Variants in SBF2 observed in about 807,000 individuals in gnomAD.
SBF2 encodes the protein SET binding factor 2, also known as myotubularin-related protein 13.
A neutral mutation model predicts 225.2 loss-of-function variants in SBF2; 112 were observed. That is an observed-to-expected ratio of 0.50 (90% CI 0.43 to 0.58). The LOEUF is 0.58. SBF2 is among the 20% of genes least tolerant of loss of function. SBF2 has a pLI of 0.00. For synonymous variants in SBF2, 763 were observed against 773.3 expected, an observed-to-expected ratio of 0.99 and a Z score of 0.22; for missense variants, 1,996 against 2,206.2, an observed-to-expected ratio of 0.90 and a Z score of 1.91.
chr11:10,110,732 A>C (rs963381124), intron 2 of SBF2, among the ~76,000 whole-genome samples: 4 of 152,178 alleles, frequency 2.6e-5, no homozygotes, highest in African/African-American at 9.6e-5. Context: ...GTTGGCACAT[A>C]TATTTCCTTT....
At chr11:9,824,591 A>T (rs1202365912) in intron 28 of SBF2, among the ~76,000 whole-genome samples, 4 of 152,032 alleles carry the variant, frequency 2.6e-5, no homozygotes, top group African/African-American at 9.7e-5. Flanking sequence ...AAAAAGAAAA[A>T]GATTGTTGAA....
At chr11:10,126,148 T>C (rs1201553992) in intron 2 of SBF2, among the ~76,000 whole-genome samples, 1 of 152,184 alleles carries the variant, frequency 6.6e-6, no homozygotes, top group African/African-American at 2.4e-5. Context: ...TAAAATGTAA[T>C]TGTCTCATCT....
rs138671331 is a variant in SBF2, at chr11:9,817,934, G to C, written c.3794-910C>G. ...AATAAATGAATAAAATGTACAGTCAGAAGCCTATATCTTTATTTTATTTTT... is the reference window on the plus strand; with the variant it reads ...AATAAATGAATAAAATGTACAGTCACAAGCCTATATCTTTATTTTATTTTT... On this transcript the variant is annotated intron_variant, in intron 28 of 39. Coordinates refer to ENST00000256190, the MANE Select transcript of SBF2 (RefSeq NM_030962.4). 1.4e-4 allele frequency among the ~76,000 whole-genome samples: 21 copies of C among 152,016 alleles called. No individual in the cohort carries two copies. The East Asian group carries it at 3.9e-3, about 28-fold the overall frequency.
At chr11:9,801,716 A>G (rs1445507531) in intron 32 of SBF2, among the ~76,000 whole-genome samples, 4 of 152,264 alleles carry the variant, frequency 2.6e-5, no homozygotes. Flanking sequence ...TTGTTATAAA[A>G]CAGATTGGAT....
chr11:10,182,726 CTA>C (rs1349200284), intron 2 of SBF2, among the ~76,000 whole-genome samples: 1 of 150,692 alleles, frequency 6.6e-6, no homozygotes, highest in African/African-American at 2.5e-5. Flanking sequence ...GCTAATTTTT[CTA>C]TGTCTTTTTG....
At chr11:9,903,695 T>C (rs1225679337) in intron 16 of SBF2, among the ~76,000 whole-genome samples, 1 of 152,220 alleles carries the variant, frequency 6.6e-6, no homozygotes, top group Admixed American at 6.5e-5. Context: ...ACTTTATTTA[T>C]ACGCTGGCCC....
intron 16 of SBF2, among the ~76,000 whole-genome samples, chr11:9,909,373 A>G (rs1360268163): frequency 6.6e-6 from 1 of 151,614 alleles, no homozygotes; most frequent in Non-Finnish European, 1.5e-5. Flanking sequence ...GACTTACAAT[A>G]TAAGATACCC....
At chr11:9,909,467 C>G (rs536057382) in intron 16 of SBF2, among the ~76,000 whole-genome samples, 3 of 151,836 alleles carry the variant, frequency 2.0e-5, no homozygotes, top group African/African-American at 4.8e-5. Flanking sequence ...GTCAGGAGAT[C>G]GAGACCATCC....
chr11:10,304,161 C>CTG (rs1038496805), intron 1 of SBF2, among the ~76,000 whole-genome samples: 2 of 152,160 alleles, frequency 1.3e-5, no homozygotes, highest in African/African-American at 4.8e-5. Context: ...TCAAGGGTGG[C>CTG]TGTGAAGCTC....
At chr11:9,869,515 C>T (rs558187085) in intron 17 of SBF2, among the ~76,000 whole-genome samples, 4 of 152,182 alleles carry the variant, frequency 2.6e-5, no homozygotes, top group South Asian at 2.1e-4. Context: ...GACAGGGTTT[C>T]GCCATGTTGG....
chr11:10,154,227 T>G (rs1040594672), intron 2 of SBF2, among the ~76,000 whole-genome samples: 1 of 152,138 alleles, frequency 6.6e-6, no homozygotes, highest in Non-Finnish European at 1.5e-5. Flanking sequence ...TTTTTGTAAA[T>G]TGATCTTTTA....
chr11:9,829,260 A>G (rs1431907124), intron 28 of SBF2, 96 bp downstream of exon 28: 1 of 1,375,952 alleles, frequency 7.3e-7, no homozygotes, highest in African/African-American at 1.4e-5. Context: ...TGGTGAAGGA[A>G]CAGTACAAAT....
At chr11:9,969,704 C>T (rs1474878485) in intron 13 of SBF2, among the ~76,000 whole-genome samples, 1 of 152,200 alleles carries the variant, frequency 6.6e-6, no homozygotes. Context: ...CTCTCTTCCC[C>T]AACACACTCC....
chr11:10,152,405 C>T lies in SBF2; in HGVS notation c.141+41497G>A, dbSNP rs887398413. ...TCTCTACTAAAAATACAAAATTAGC[C>T]GGGCGTGGTGGTGCATGCCTGTAAT... On this transcript the variant is annotated intron_variant, in intron 2 of 39. Coordinates refer to ENST00000256190, the MANE Select transcript of SBF2 (RefSeq NM_030962.4). Among the ~76,000 whole-genome samples, 12 of 151,984 alleles carry T rather than the reference C, an allele frequency of 7.9e-5. No homozygotes were observed. In the East Asian group the frequency reaches 1.9e-3, roughly 24 times the overall value.
At position 9,795,972 on chromosome 11, in the gene SBF2, G is replaced by A. The variant is rs1477944146; in HGVS notation, c.4444-15C>T. ...TGGTTGTGAACCTGAAACACACAAG[G>A]CAAAGAAAAGAGTAAGAATCAAACA... On this transcript the variant is annotated splice_polypyrimidine_tract_variant and intron_variant, in intron 32 of 39. Transcript: ENST00000256190. The A allele has an allele frequency of 6.2e-7, 1 of 1,611,446 alleles. No individual in the cohort carries two copies. Among genetic ancestry groups the A allele is most frequent in the Non-Finnish European group, 8.5e-7 (1 of 1,179,622 alleles).
intron 16 of SBF2, among the ~76,000 whole-genome samples, chr11:9,952,251 A>T (rs1355216341): frequency 2.1e-3 from 1 of 472 alleles, no homozygotes; most frequent in Non-Finnish European, 0.017. Flanking sequence ...TAAATACACA[A>T]ACAAACAAAC....
intron 13 of SBF2, among the ~76,000 whole-genome samples, chr11:9,971,729 C>T (rs182746414): frequency 5.3e-5 from 8 of 152,190 alleles, no homozygotes; most frequent in Admixed American, 5.2e-4. Flanking sequence ...CACTTCTAGT[C>T]AAAATCTCTA....
intron 1 of SBF2, among the ~76,000 whole-genome samples, chr11:10,205,550 C>T (rs1957724396): frequency 6.6e-6 from 1 of 151,840 alleles, no homozygotes; most frequent in African/African-American, 2.4e-5. Flanking sequence ...TGTCCCAATC[C>T]CCAGGTTAAC....
chr11:9,861,663 CA>C (rs1193095357), intron 17 of SBF2, among the ~76,000 whole-genome samples: 21,580 of 83,400 alleles, frequency 0.26, 1,775 homozygotes, highest in Non-Finnish European at 0.34. Context: ...GACTCCATCT[CA>C]AAAAAAAAAA....
Sources: gnomAD v4.1 joint callset for allele counts (sites outside exome capture counted in the v4.1 genomes callset) on GRCh38, gnomAD v4.1.1 for gene constraint, MANE v1.5 for transcripts, NCBI Gene and HGNC (gene_info 2026-07-23, HGNC 2026-07-21) for gene names.